Variants in PPAN observed in about 807,000 individuals in gnomAD.
PPAN encodes the protein peter pan homolog, also known as suppressor of SWI4 1 homolog.
A neutral mutation model predicts 48.5 loss-of-function variants in PPAN; 39 were observed. The ratio of observed to expected loss-of-function variants is 0.80; its 90% CI spans 0.62 to 1.05. PPAN has a LOEUF of 1.05. Ranked by LOEUF, PPAN falls within the 50% of genes least tolerant of loss-of-function variation. The pLI is 0.00. For synonymous variants in PPAN, 315 were observed against 268.6 expected, an observed-to-expected ratio of 1.17 and a Z score of -1.69; for missense variants, 736 against 661.7, an observed-to-expected ratio of 1.11 and a Z score of -1.23.
chr19:10,107,076 A>T (rs371003629), intron 2 of PPAN: 33 of 458,788 alleles, frequency 7.2e-5, no homozygotes, highest in African/African-American at 4.7e-4. Flanking sequence ...AGTCCCGGCT[A>T]CTCGGGAGGC....
intron 5 of PPAN, among the ~76,000 whole-genome samples, 153 bp downstream of exon 5, chr19:10,108,287 A>T (rs2088910052): frequency 6.6e-6 from 1 of 152,068 alleles, no homozygotes; most frequent in South Asian, 2.1e-4. Context: ...CCTGTGTCTG[A>T]TGATGCTGGG....
At chr19:10,106,919 G>A in intron 2 of PPAN, 1 of 672,920 alleles carries the variant, frequency 1.5e-6, no homozygotes, top group Non-Finnish European at 2.5e-6. Context: ...GGGCGTGGTG[G>A]CTCATGCCTG....
In PPAN at chr19:10,111,189, G is replaced by C; in HGVS notation, c.*24G>C. The C allele has an allele frequency of 6.5e-7, 1 of 1,536,198 alleles. No individual in the cohort carries two copies. Among genetic ancestry groups the C allele is most frequent in the Non-Finnish European group, 8.7e-7 (1 of 1,143,968 alleles). On this transcript the variant is annotated 3_prime_UTR_variant, in exon 12 of 12. Coordinates refer to ENST00000253107, the MANE Select transcript of PPAN (RefSeq NM_020230.7). ...GAGCCCAAGCCGCACCGGAGCAGCG[G>C]CTGGATTGAACGCCCCAGATTGGGG... is the stretch of plus-strand genomic sequence containing the variant.
intron 3 of PPAN, 85 bp from the exon 4 acceptor site, chr19:10,107,719 C>G (rs1320729487): frequency 6.2e-7 from 1 of 1,608,836 alleles, no homozygotes; most frequent in African/African-American, 1.3e-5. Context: ...AGTAAACGCT[C>G]TGAAGAAGAG....
At chr19:10,109,757 C>T (rs2088978691) in intron 6 of PPAN, 50 bp downstream of exon 6, 4 of 1,598,734 alleles carry the variant, frequency 2.5e-6, no homozygotes, top group Admixed American at 1.7e-5. Flanking sequence ...GTGGGGGCCT[C>T]CACATGCGGC....
intron 5 of PPAN, among the ~76,000 whole-genome samples, chr19:10,108,694 G>C (rs978055262): frequency 3.3e-5 from 5 of 151,002 alleles, no homozygotes; most frequent in Non-Finnish European, 7.4e-5. Flanking sequence ...CAAGGCTGCA[G>C]TGAGTTGTGT....
rs114727628 is a variant in PPAN at position 10,111,229 on chromosome 19, C to T, written c.*64C>T. ...CCAGATTGGGGCCCGAGATGTGGCC[C>T]TCGGTTTCCTTTCATAAAGGAGTTG... On this transcript the variant is annotated 3_prime_UTR_variant, in exon 12 of 12. Transcript: ENST00000253107. 4.6e-4 allele frequency: 665 copies of T among 1,439,924 alleles called. 6 individuals carry two copies. The African/African-American group carries it at 8.8e-3, about 19-fold the overall frequency. The allele number at this position is 1,439,924 out of a possible 1,614,324, so 89.2% of individuals were successfully genotyped here. A position where few individuals can be genotyped will look rare whatever the true frequency, so the allele number is the denominator to read the frequency against.
intron 2 of PPAN, 76 bp from the exon 3 acceptor site, chr19:10,107,426 CAGG>C: frequency 6.8e-7 from 1 of 1,480,686 alleles, no homozygotes; most frequent in Non-Finnish European, 9.2e-7. Context: ...CAGACCATAA[CAGG>C]ATCTGCACCG....
chr19:10,110,635 G>A lies in PPAN; in HGVS notation c.1031+21G>A. On this transcript the variant is annotated intron_variant, in intron 10 of 11. Transcript: ENST00000253107. This position sits in a 1 kb window ranked among gnomAD's most constrained non-coding sequence, Gnocchi z 5.9. ...CACAGGTCCAGGCAGAGCTGGGAAGGGCAGGGCCAAGGGGGGGTCCCTGGG... is the reference window on the plus strand; with the variant it reads ...CACAGGTCCAGGCAGAGCTGGGAAGAGCAGGGCCAAGGGGGGGTCCCTGGG... 6.2e-7 allele frequency: 1 copy of A among 1,609,662 alleles called. No individual in the cohort carries two copies. The highest frequency in any genetic ancestry group is 2.2e-5 in the East Asian group (1 of 44,758).
At position 10,111,789 on chromosome 19, in the gene PPAN, G is replaced by T; in HGVS notation, c.*624G>T. On this transcript the variant is annotated 3_prime_UTR_variant, in exon 12 of 12. Coordinates refer to ENST00000253107, the MANE Select transcript of PPAN (RefSeq NM_020230.7). ...TCTCTGGGGGTCTGCAGATTGTCAG[G>T]AGGTGGGGGTAGTGGGTATTGGTAA... 1 of 1,609,760 alleles carries T rather than the reference G, an allele frequency of 6.2e-7. No homozygotes were observed. Among genetic ancestry groups the T allele is most frequent in the South Asian group, 1.1e-5 (1 of 90,892 alleles).
rs145193009 is a variant in PPAN, at chr19:10,110,020, C to T, written c.698C>T (p.Thr233Met). 3.8e-5 allele frequency: 62 copies of T among 1,613,714 alleles called. No individual in the cohort carries two copies. Among genetic ancestry groups the T allele is most frequent in the Non-Finnish European group, 4.7e-5 (55 of 1,179,904 alleles). The change falls in exon 7 of 12, where the codon ACG becomes ATG. Residue 233 changes from threonine (T) to methionine (M), a missense_variant and splice_region_variant. By Grantham distance (81) the Thr-to-Met change is moderately conservative (BLOSUM62 -1). Transcript: ENST00000253107. This position sits in a 1 kb window ranked among gnomAD's most constrained non-coding sequence, Gnocchi z 5.9. ...CAGGACATCAGCGAGCTGCTGGCCA[C>T]GTGAGGAGGGCATAGGGCGGGAGGC... The part of the protein sequence containing the change: ...RLQDISELLA[T>M]GAGLSESEAE...
intron 3 of PPAN, 28 bp downstream of exon 3, chr19:10,107,634 C>T (rs766646804): frequency 6.2e-7 from 1 of 1,608,738 alleles, no homozygotes; most frequent in East Asian, 2.2e-5. Flanking sequence ...CCCTTCATCT[C>T]CCCCAGACCC....
rs772891041 is a variant in PPAN, at chr19:10,106,408, G to A, written c.14G>A (p.Gly5Glu). 15 of 1,549,232 alleles carry A rather than the reference G, an allele frequency of 9.7e-6. No homozygotes were observed. In the South Asian group the frequency reaches 1.7e-4, roughly 17 times the overall value. Residue 5 changes from glycine (G) to glutamate (E), a missense_variant, in exon 1 of 12, where the codon GGG becomes GAG. By Grantham distance (98) the Gly-to-Glu change is moderately conservative (BLOSUM62 -2). Coordinates refer to ENST00000253107, the MANE Select transcript of PPAN (RefSeq NM_020230.7). MGQS[G>E]RSRHQKRARA... ...GGACACAGCAGCATGGGACAGTCAG[G>A]GAGGGTAAGGCCCGGCAGCTTGGGA... is the stretch of plus-strand genomic sequence containing the variant.
chr19:10,109,824 G>C, intron 6 of PPAN, 89 bp from the exon 7 acceptor site: 1 of 1,594,582 alleles, frequency 6.3e-7, no homozygotes, highest in East Asian at 2.2e-5. Flanking sequence ...TAAACGCCCT[G>C]ACGCACTGTG....
intron 2 of PPAN, 189 bp downstream of exon 2, chr19:10,106,860 GAGAT>G (rs1359856177): frequency 3.6e-5 from 34 of 937,762 alleles, no homozygotes; most frequent in Non-Finnish European, 4.0e-5. Context: ...CGCAGCTTGG[GAGAT>G]AGATAGTCGC....
chr19:10,108,254 G>A, intron 5 of PPAN, 120 bp downstream of exon 5: 1 of 1,402,274 alleles, frequency 7.1e-7, no homozygotes, highest in South Asian at 1.5e-5. Flanking sequence ...TGGGTCTGCT[G>A]AGTCCTGAGG....
chr19:10,106,933 T>C (rs1360811855), intron 2 of PPAN: 1 of 654,464 alleles, frequency 1.5e-6, no homozygotes, highest in Non-Finnish European at 2.7e-6. Context: ...ATGCCTGTAT[T>C]CCCAGCATTT....
chr19:10,109,604 G>A (rs1386022543), intron 5 of PPAN, 27 bp from the exon 6 acceptor site: 2 of 1,605,754 alleles, frequency 1.2e-6, no homozygotes, highest in Non-Finnish European at 1.7e-6. Context: ...GAGTCTACTG[G>A]ACTATGCTCT....
chr19:10,108,113 C>G lies in PPAN; in HGVS notation c.492C>G (p.Phe164Leu), dbSNP rs1255634335. The change falls in exon 5 of 12, where the codon TTC becomes TTG. Residue 164 changes from phenylalanine (F) to leucine (L), a missense_variant. Physicochemically the swap from Phe to Leu is conservative, Grantham distance 22. Coordinates refer to ENST00000253107, the MANE Select transcript of PPAN (RefSeq NM_020230.7). The stretch of plus-strand genomic sequence containing the variant: ...TGGCCACCATGTTCCAGAACCTGTT[C>G]CCCTCCATCAACGTGCACAAGGTGG... ...KLMATMFQNL[F>L]PSINVHKVNL... 2 of 1,612,162 alleles carry G rather than the reference C, an allele frequency of 1.2e-6. No homozygotes were observed. Among genetic ancestry groups the G allele is most frequent in the African/African-American group, 1.3e-5 (1 of 74,902 alleles).
Sources: gnomAD v4.1 joint callset for allele counts (sites outside exome capture counted in the v4.1 genomes callset) on GRCh38, gnomAD v4.1.1 for gene constraint, Gnocchi (gnomAD v3.1) non-coding constraint, MANE v1.5 for transcripts, NCBI Gene and HGNC (gene_info 2026-07-23, HGNC 2026-07-21) for gene names.